EFNA5: variants seen among roughly 807,000 people sequenced by gnomAD.
EFNA5 encodes the protein ephrin-A5.
A neutral mutation model predicts 22.9 loss-of-function variants in EFNA5; 5 were observed. The ratio of observed to expected loss-of-function variants is 0.22; its 90% CI spans 0.11 to 0.46. The LOEUF is 0.46. Ranked by LOEUF, EFNA5 falls within the 20% of genes least tolerant of loss-of-function variation. The pLI, the probability that EFNA5 is intolerant of heterozygous loss-of-function variation, is 0.99. For synonymous variants in EFNA5, 113 were observed against 112.2 expected, an observed-to-expected ratio of 1.01 and a Z score of -0.04; for missense variants, 237 against 293.3, an observed-to-expected ratio of 0.81 and a Z score of 1.40.
intron 1 of EFNA5, among the ~76,000 whole-genome samples, chr5:107,636,478 T>A (rs17160298): frequency 6.6e-6 from 1 of 152,200 alleles, no homozygotes; most frequent in Non-Finnish European, 1.5e-5. Flanking sequence ...CAGGAAGCCA[T>A]GACAAGTTTT....
chr5:107,405,438 C>T (rs897473119), intron 2 of EFNA5, among the ~76,000 whole-genome samples: 3 of 152,184 alleles, frequency 2.0e-5, no homozygotes, highest in East Asian at 1.9e-4. Flanking sequence ...AGCAGATTCA[C>T]TCATTTTTAC....
chr5:107,575,761 A>G (rs1748915875), intron 1 of EFNA5, among the ~76,000 whole-genome samples: 2 of 152,242 alleles, frequency 1.3e-5, no homozygotes, highest in Admixed American at 1.3e-4. Flanking sequence ...AATTCAAGGT[A>G]TCAGGGAGAA....
intron 1 of EFNA5, among the ~76,000 whole-genome samples, chr5:107,603,204 G>A (rs1749641930): frequency 6.6e-6 from 1 of 152,202 alleles, no homozygotes; most frequent in Admixed American, 6.5e-5. Context: ...CACTCTAGAT[G>A]AATTAGCTAC....
intron 1 of EFNA5, among the ~76,000 whole-genome samples, chr5:107,626,112 C>T (rs988414888): frequency 3.9e-5 from 6 of 152,186 alleles, no homozygotes; most frequent in African/African-American, 1.4e-4. Context: ...GAAGCACTGG[C>T]TGCACCTAGG....
chr5:107,478,144 T>C (rs931188136), intron 1 of EFNA5, among the ~76,000 whole-genome samples: 10 of 152,202 alleles, frequency 6.6e-5, no homozygotes, highest in African/African-American at 2.4e-4. Flanking sequence ...GCTGTTTGTG[T>C]TACACCCTGT....
chr5:107,642,377 T>C (rs1416085659), intron 1 of EFNA5, among the ~76,000 whole-genome samples: 1 of 151,334 alleles, frequency 6.6e-6, no homozygotes, highest in Non-Finnish European at 1.5e-5. Flanking sequence ...GCATGTTAAA[T>C]AGCTTGATTT....
rs1472560715 is a variant in EFNA5 at position 107,482,826 on chromosome 5, GTCTCTGTCTCTCTC to G, written c.126-55331_126-55318del. Among the ~76,000 whole-genome samples the G allele has an allele frequency of 3.8e-4, 25 of 64,966 alleles. 1 individual carries two copies. The highest frequency in any genetic ancestry group is 5.1e-4 in the Non-Finnish European group (14 of 27,482). 42.6% of individuals were successfully genotyped at this position (64,966 alleles called of 152,430 possible). A position where few individuals can be genotyped will look rare whatever the true frequency, so the allele number is the denominator to read the frequency against. On this transcript the variant is annotated intron_variant, in intron 1 of 4. Coordinates refer to ENST00000333274, the MANE Select transcript of EFNA5 (RefSeq NM_001962.3). The stretch of plus-strand genomic sequence containing the variant: ...TCTCTCTCTCTCTGTCTCTCTCTCT[GTCTCTGTCTCTCTC>G]TCTCTCTCTCTCTCTCTCTCTCTCT...
chr5:107,641,605 A>C (rs921347903), intron 1 of EFNA5, among the ~76,000 whole-genome samples: 1 of 152,054 alleles, frequency 6.6e-6, no homozygotes, highest in East Asian at 1.9e-4. Context: ...TAATACATCA[A>C]CTCCCAAGGT....
At chr5:107,510,745 T>C (rs936705286) in intron 1 of EFNA5, among the ~76,000 whole-genome samples, 1 of 152,178 alleles carries the variant, frequency 6.6e-6, no homozygotes, top group Non-Finnish European at 1.5e-5. Context: ...AATCTTTTTT[T>C]ATAAACCTCC....
At chr5:107,552,183 G>T (rs1192176893) in intron 1 of EFNA5, among the ~76,000 whole-genome samples, 2 of 152,076 alleles carry the variant, frequency 1.3e-5, no homozygotes, top group African/African-American at 4.8e-5. Flanking sequence ...TTACCTCTGG[G>T]AACTTCTTCT....
At chr5:107,449,034 C>T (rs1749477651) in intron 1 of EFNA5, among the ~76,000 whole-genome samples, 1 of 151,822 alleles carries the variant, frequency 6.6e-6, no homozygotes, top group Admixed American at 6.6e-5. Flanking sequence ...TTCCCCTATA[C>T]CTCAGTTTTT....
chr5:107,381,403 A>C (rs1184625942), intron 4 of EFNA5, 27 bp from the exon 5 acceptor site: 2 of 1,587,766 alleles, frequency 1.3e-6, no homozygotes, highest in African/African-American at 2.7e-5. Flanking sequence ...CACACATTCC[A>C]ATGAGATTTC....
chr5:107,526,825 A>G (rs116060580), intron 1 of EFNA5, among the ~76,000 whole-genome samples: 4,569 of 152,296 alleles, frequency 0.03, 191 homozygotes, highest in African/African-American at 0.099. Context: ...ACTTTCTTCA[A>G]TATAGTAATA....
At chr5:107,404,514 C>T (rs986077875) in intron 2 of EFNA5, among the ~76,000 whole-genome samples, 1 of 152,138 alleles carries the variant, frequency 6.6e-6, no homozygotes, top group African/African-American at 2.4e-5. Context: ...TTTCCATGCA[C>T]CAGGAACTGT....
chr5:107,424,190 T>G (rs1042633012), intron 2 of EFNA5, among the ~76,000 whole-genome samples: 5 of 148,934 alleles, frequency 3.4e-5, no homozygotes, highest in African/African-American at 1.3e-4. Flanking sequence ...TTCTTTTTTC[T>G]TTCTTTCATT....
At chr5:107,475,069 GACT>G (rs1561402406) in intron 1 of EFNA5, among the ~76,000 whole-genome samples, 1 of 152,194 alleles carries the variant, frequency 6.6e-6, no homozygotes, top group Non-Finnish European at 1.5e-5. Flanking sequence ...ACTGGGAAAT[GACT>G]ACTAATAAGC....
intron 1 of EFNA5, among the ~76,000 whole-genome samples, chr5:107,465,973 G>A (rs1287254358): frequency 6.6e-6 from 1 of 152,188 alleles, no homozygotes; most frequent in South Asian, 2.1e-4. Flanking sequence ...AATCAAGACC[G>A]GGTATCTCAT....
intron 1 of EFNA5, among the ~76,000 whole-genome samples, chr5:107,569,229 C>T (rs959547669): frequency 5.3e-5 from 8 of 151,706 alleles, no homozygotes; most frequent in Non-Finnish European, 1.0e-4. Context: ...TTTCCCAGCC[C>T]TCTAGGAAGG....
rs543987767 is a variant in EFNA5 at position 107,644,625 on chromosome 5, T to C, written c.125+25864A>G. Among the ~76,000 whole-genome samples the C allele has an allele frequency of 7.2e-5, 11 of 152,320 alleles. No homozygotes were observed. In the South Asian group the frequency reaches 1.7e-3, roughly 23 times the overall value. ...TACCTAGTTGGTAACTGACACATAA[T>C]AGATGCTCAATCAAGAGTTTAAGAA... On this transcript the variant is annotated intron_variant, in intron 1 of 4. Transcript: ENST00000333274.
Sources: gnomAD v4.1 joint callset for allele counts (sites outside exome capture counted in the v4.1 genomes callset) on GRCh38, gnomAD v4.1.1 for gene constraint, MANE v1.5 for transcripts, NCBI Gene and HGNC (gene_info 2026-07-23, HGNC 2026-07-21) for gene names.